STK3: variants seen among roughly 807,000 people sequenced by gnomAD.
The protein encoded by STK3 is serine/threonine-protein kinase 3.
A neutral mutation model predicts 58.0 loss-of-function variants in STK3; 41 were observed. The observed-to-expected ratio is 0.71, with a 90% confidence interval of 0.55 to 0.92. The LOEUF is 0.92. STK3 is among the 40% of genes least tolerant of loss of function. The probability of loss-of-function intolerance (pLI) is 0.00; values close to 1 mark genes in which losing one functional copy is unlikely to be tolerated. For synonymous variants in STK3, 170 were observed against 191.0 expected, an observed-to-expected ratio of 0.89 and a Z score of 0.91; for missense variants, 479 against 602.7, an observed-to-expected ratio of 0.79 and a Z score of 2.15.
chr8:98,351,179 C>T, the STK3 span, among the ~76,000 whole-genome samples: 1 of 152,282 alleles, frequency 6.6e-6, no homozygotes, highest in South Asian at 2.1e-4. Context: ...ATAAGTCCCT[C>T]CTAAGAAGTC....
intron 10 of STK3, among the ~76,000 whole-genome samples, chr8:98,468,162 T>C (rs956985974): frequency 2.1e-4 from 32 of 152,232 alleles, no homozygotes; most frequent in African/African-American, 7.7e-4. Context: ...CTGTTAACTA[T>C]TTTTAAAACA....
chr8:98,644,185 T>C (rs556826958), intron 6 of STK3, among the ~76,000 whole-genome samples: 2 of 152,350 alleles, frequency 1.3e-5, no homozygotes, highest in African/African-American at 4.8e-5. Flanking sequence ...CCCCTTCTTA[T>C]AAAATGTTTG....
intron 6 of STK3, among the ~76,000 whole-genome samples, chr8:98,696,171 G>A (rs916785073): frequency 6.6e-6 from 1 of 152,044 alleles, no homozygotes; most frequent in Non-Finnish European, 1.5e-5. Context: ...TGTTATTGGT[G>A]TATAAGAATG....
intron 6 of STK3, among the ~76,000 whole-genome samples, chr8:98,638,865 TAATGTTAC>T (rs1819810211): frequency 6.6e-6 from 1 of 152,160 alleles, no homozygotes; most frequent in Non-Finnish European, 1.5e-5. Context: ...TTCTTGGAAA[TAATGTTAC>T]AATGAAATGT....
chr8:98,833,022 T>A (rs1028964899), intron 3 of STK3, among the ~76,000 whole-genome samples: 2 of 152,218 alleles, frequency 1.3e-5, no homozygotes, highest in Admixed American at 6.5e-5. Flanking sequence ...GTAAAATATT[T>A]GAAGAGGTTT....
At chr8:98,427,207 G>C (rs1586556817) in intron 3 of STK3, 1 of 150,548 alleles carries the variant, frequency 6.6e-6, no homozygotes, top group African/African-American at 2.4e-5. Context: ...CCGCCGGCCC[G>C]CCGGGCGCAC....
chr8:98,655,554 C>T (rs1236189881), intron 6 of STK3, among the ~76,000 whole-genome samples: 1 of 151,772 alleles, frequency 6.6e-6, no homozygotes, highest in Admixed American at 6.6e-5. Context: ...AGGCAACCTA[C>T]AACATGGGAG....
chr8:98,594,337 T>C (rs758174419), intron 7 of STK3, among the ~76,000 whole-genome samples: 41 of 151,876 alleles, frequency 2.7e-4, no homozygotes, highest in Non-Finnish European at 4.7e-4. Flanking sequence ...CGGTGGCTCA[T>C]GTCTGTAATC....
intron 6 of STK3, among the ~76,000 whole-genome samples, chr8:98,607,750 C>T (rs953781347): frequency 7.3e-4 from 111 of 152,216 alleles, no homozygotes; most frequent in African/African-American, 2.6e-3. Context: ...TTTGGATACT[C>T]AACAGACATT....
At chr8:98,854,526 CAATGCTGCAGGAT>C (rs1836597885) in intron 3 of STK3, among the ~76,000 whole-genome samples, 1 of 152,006 alleles carries the variant, frequency 6.6e-6, no homozygotes, top group South Asian at 2.1e-4. Context: ...ATGAATTCAG[CAATGCTGCAGGAT>C]ACAAGATTAA....
intron 6 of STK3, among the ~76,000 whole-genome samples, chr8:98,688,742 C>T (rs1390136635): frequency 6.6e-6 from 1 of 152,066 alleles, no homozygotes; most frequent in African/African-American, 2.4e-5. Flanking sequence ...AGAGACACAA[C>T]ATACCAAAAC....
downstream of STK3, among the ~76,000 whole-genome samples, chr8:98,368,664 G>GGT (rs371257739): frequency 4.8e-3 from 726 of 152,272 alleles, 8 homozygotes; most frequent in African/African-American, 0.017. Flanking sequence ...TCAGAATGAA[G>GGT]GTAAGTTCCA....
chr8:98,850,925 G>A (rs1484186910), intron 3 of STK3, among the ~76,000 whole-genome samples: 1 of 152,188 alleles, frequency 6.6e-6, no homozygotes, highest in African/African-American at 2.4e-5. Flanking sequence ...ACAATGGTGA[G>A]AGAGGGTGAG....
chr8:98,767,449 G>C (rs1401770846), intron 2 of STK3, 78 bp from the exon 3 acceptor site: 9 of 1,338,372 alleles, frequency 6.7e-6, no homozygotes, highest in Non-Finnish European at 9.0e-6. Context: ...TGAGTTTTCT[G>C]TGGATAGTCT....
At chr8:98,588,346 C>T (rs908666096) in intron 7 of STK3, among the ~76,000 whole-genome samples, 21 of 151,652 alleles carry the variant, frequency 1.4e-4, no homozygotes, top group African/African-American at 5.1e-4. Context: ...TTTATTTCTC[C>T]TTCACTTATG....
chr8:98,741,746 G>A (rs1272569545), intron 4 of STK3, among the ~76,000 whole-genome samples: 5 of 151,942 alleles, frequency 3.3e-5, no homozygotes, highest in Admixed American at 6.6e-5. Flanking sequence ...AACTAAAATC[G>A]AACCAGAACT....
intron 8 of STK3, among the ~76,000 whole-genome samples, chr8:98,552,881 C>T (rs1811289330): frequency 6.6e-6 from 1 of 152,124 alleles, no homozygotes; most frequent in South Asian, 2.1e-4. Flanking sequence ...ATTTATTGTA[C>T]ATCAAGTAGT....
chr8:98,845,732 T>C (rs968096450), intron 3 of STK3, among the ~76,000 whole-genome samples: 1 of 152,226 alleles, frequency 6.6e-6, no homozygotes, highest in Admixed American at 6.5e-5. Context: ...AGCATTCAAT[T>C]GTGGGCAAAA....
intron 7 of STK3, among the ~76,000 whole-genome samples, chr8:98,592,733 CTTTATTTATTTATTTA>C (rs10557286): frequency 2.9e-3 from 409 of 139,616 alleles, no homozygotes; most frequent in African/African-American, 9.5e-3. Flanking sequence ...CACTGACTTA[CTTTATTTATTTATTTA>C]TTTATTTATT....
Sources: allele counts gnomAD v4.1 joint callset (sites outside exome capture counted in the v4.1 genomes callset), GRCh38; gene constraint gnomAD v4.1.1; transcripts MANE v1.5; gene names NCBI Gene and HGNC (gene_info 2026-07-23, HGNC 2026-07-21).